Variants in C8G observed in about 807,000 individuals in gnomAD.
C8G encodes the protein complement C8 gamma chain.
Under a neutral mutation model 29.1 loss-of-function variants are expected in C8G, and 38 were observed. The ratio of observed to expected loss-of-function variants is 1.31; its 90% CI spans 1.01 to 1.71. C8G has a LOEUF of 1.71. Among genes scored for constraint, C8G ranks in the 40% most tolerant of loss-of-function variants. C8G has a pLI of 0.00. For missense variants in C8G, 300 were observed against 267.4 expected (o/e 1.12, Z -0.85); for synonymous variants, 158 against 113.2 (o/e 1.40, Z -2.51).
intron 4 of C8G, 74 bp downstream of exon 4, chr9:136,946,266 T>C: frequency 7.1e-7 from 1 of 1,410,596 alleles, no homozygotes; most frequent in Non-Finnish European, 9.7e-7. Context: ...CCCGAGGGGC[T>C]GGGTGAGCCC....
intron 1 of C8G, 35 bp from the exon 2 acceptor site, chr9:136,945,599 C>G (rs200867967): frequency 6.3e-7 from 1 of 1,599,098 alleles, no homozygotes; most frequent in Non-Finnish European, 8.5e-7. Context: ...GGCCCTCCCA[C>G]AGTGCCCTCG....
At chr9:136,946,379 A>AG (rs1851040513) in intron 4 of C8G, 86 bp from the exon 5 acceptor site, 2 of 1,474,398 alleles carry the variant, frequency 1.4e-6, no homozygotes, top group Admixed American at 2.6e-5. Context: ...GAGGGCCCCG[A>AG]GGGGGCAGGG....
At chr9:136,946,245 C>A in intron 4 of C8G, 53 bp downstream of exon 4, 2 of 1,463,456 alleles carry the variant, frequency 1.4e-6, no homozygotes, top group Non-Finnish European at 1.9e-6. Context: ...TCTGCACACT[C>A]ACTGGGCCAC....
At position 136,945,428 on chromosome 9, in the gene C8G, C is replaced by G; in HGVS notation, c.108C>G (p.Ile36Met). 6.3e-7 allele frequency: 1 copy of G among 1,588,396 alleles called. No individual in the cohort carries two copies. The highest frequency in any genetic ancestry group is 8.6e-7 in the Non-Finnish European group (1 of 1,167,580). Residue 36 changes from isoleucine (I) to methionine (M), a missense_variant, in exon 1 of 7, where the codon ATC (isoleucine) becomes ATG (methionine). Ile to Met is a conservative substitution (Grantham distance 10). Transcript: ENST00000371634. ...GGCCCGCATCCCCCATCAGCACCAT[C>G]CAGCCCAAGGCCAATTTTGATGCTC... is the stretch of plus-strand genomic sequence containing the variant. ...PRRPASPIST[I>M]QPKANFDAQQ... is the part of the protein sequence containing the mutation.
chr9:136,946,645 C>T lies in C8G; in HGVS notation c.557-6C>T. The T allele has an allele frequency of 6.2e-7, 1 of 1,613,252 alleles. No homozygotes were observed. The highest frequency in any genetic ancestry group is 8.5e-7 in the Non-Finnish European group (1 of 1,179,956). ...GTCCAGCCTGACCCCTGCCTTGGGC[C>T]CCCAGGCTTCTGCGAGGCTGCAGAC... On this transcript the variant is annotated splice_region_variant and splice_polypyrimidine_tract_variant and intron_variant, in intron 5 of 6. Transcript: ENST00000371634.
chr9:136,946,889 T>G lies in C8G; in HGVS notation c.*108T>G. On this transcript the variant is annotated 3_prime_UTR_variant, in exon 7 of 7. Transcript: ENST00000371634. ...TGAAACCAGCCTCAGATCAGGGCCCTGCCACCCAGGGCAGGGGATCTTCTG... is the reference window on the plus strand; with the variant it reads ...TGAAACCAGCCTCAGATCAGGGCCCGGCCACCCAGGGCAGGGGATCTTCTG... The G allele has an allele frequency of 2.2e-6, 3 of 1,369,800 alleles. No individual in the cohort carries two copies. Among genetic ancestry groups the G allele is most frequent in the Non-Finnish European group, 3.0e-6 (3 of 996,360 alleles). The allele number at this position is 1,369,800 out of a possible 1,614,324, so 84.9% of individuals were successfully genotyped here.
At chr9:136,945,592 C>A in intron 1 of C8G, 42 bp from the exon 2 acceptor site, 1 of 1,595,310 alleles carries the variant, frequency 6.3e-7, no homozygotes, top group Non-Finnish European at 8.6e-7. Context: ...GGTGAGGGGC[C>A]CTCCCACAGT....
chr9:136,946,527 C>T lies in C8G; in HGVS notation c.517C>T (p.His173Tyr). 6.2e-7 allele frequency: 1 copy of T among 1,612,970 alleles called. No homozygotes were observed. The highest frequency in any genetic ancestry group is 2.2e-5 in the East Asian group (1 of 44,878). Residue 173 changes from histidine (H) to tyrosine (Y), a missense_variant, in exon 5 of 7, where the codon CAC becomes TAC. His to Tyr is a moderately conservative substitution (Grantham distance 83). Transcript: ENST00000371634. ...GTTTGAGCAGCGGGTCCAGGAGGCCCACCTGACTGAGGACCAGATCTTCTA... is the reference window on the plus strand; with the variant it reads ...GTTTGAGCAGCGGGTCCAGGAGGCCTACCTGACTGAGGACCAGATCTTCTA... ...SGFEQRVQEA[H>Y]LTEDQIFYFP...
In C8G at chr9:136,945,366, G is replaced by C; in HGVS notation, c.46G>C (p.Ala16Pro). The change falls in exon 1 of 7, where the codon GCT (alanine) becomes CCT (proline). Residue 16 changes from alanine to proline, a missense_variant. Physicochemically the swap from Ala to Pro is conservative, Grantham distance 27. Transcript: ENST00000371634. ...GACCCTCTTGACTCTGCTCCTGGCA[G>C]CTGGCTCGCTGGGCCAGAAGCCTCA... Reference protein sequence around the residue: ...TATLLTLLLAAGSLGQKPQRP... With the variant: ...TATLLTLLLAPGSLGQKPQRP... The C allele has an allele frequency of 6.2e-7, 1 of 1,612,836 alleles. No homozygotes were observed. The highest frequency in any genetic ancestry group is 8.5e-7 in the Non-Finnish European group (1 of 1,179,898).
intron 4 of C8G, 115 bp downstream of exon 4, chr9:136,946,307 ATCC>A (rs1182583702): frequency 1.2e-5 from 17 of 1,369,374 alleles, no homozygotes; most frequent in Non-Finnish European, 1.5e-5. Flanking sequence ...TCCCATCCTG[ATCC>A]TCCTGCTAAG....
rs1851056752 is a variant in C8G, at chr9:136,946,859, C to T, written c.*78C>T. 3.3e-6 allele frequency: 5 copies of T among 1,511,018 alleles called. No homozygotes were observed. The highest frequency in any genetic ancestry group is 4.4e-6 in the Non-Finnish European group (5 of 1,124,066). The allele number at this position is 1,511,018 out of a possible 1,614,324, so 93.6% of individuals were successfully genotyped here. A position where few individuals can be genotyped will look rare whatever the true frequency, so the allele number is the denominator to read the frequency against. ...ACCAGTGGGGTGCCCGCTGCCTGTCCTCCGTGAAACCAGCCTCAGATCAGG... is the reference window on the plus strand; with the variant it reads ...ACCAGTGGGGTGCCCGCTGCCTGTCTTCCGTGAAACCAGCCTCAGATCAGG... On this transcript the variant is annotated 3_prime_UTR_variant, in exon 7 of 7. Transcript: ENST00000371634.
intron 1 of C8G, 43 bp from the exon 2 acceptor site, chr9:136,945,591 C>T (rs1200954256): frequency 1.9e-6 from 3 of 1,593,838 alleles, no homozygotes; most frequent in East Asian, 4.5e-5. Flanking sequence ...AGGTGAGGGG[C>T]CCTCCCACAG....
In C8G at chr9:136,945,336, A is replaced by T. The variant is rs1191588159; in HGVS notation, c.16A>T (p.Thr6Ser). 3 of 1,610,864 alleles carry T rather than the reference A, an allele frequency of 1.9e-6. No homozygotes were observed. The South Asian group carries it at 3.3e-5, about 18-fold the overall frequency. Residue 6 changes from threonine to serine, a missense_variant, in exon 1 of 7, where the codon ACT (threonine) becomes TCT (serine). Thr to Ser is a moderately conservative substitution (Grantham distance 58, BLOSUM62 1). Transcript: ENST00000371634. ...TGCCGCCACCATGCTGCCCCCTGGG[A>T]CTGCGACCCTCTTGACTCTGCTCCT... MLPPG[T>S]ATLLTLLLAA...
In C8G at chr9:136,946,744, G is replaced by A. The variant is rs368475163; in HGVS notation, c.596-24G>A. On this transcript the variant is annotated intron_variant, in intron 6 of 6. Transcript: ENST00000371634. ...CGTGGTGAGGGGGGCCACTGCCACC[G>A]GCTGAGTCTCGTCTCTGCTGCAGAA... 204 of 1,607,584 alleles carry A rather than the reference G, an allele frequency of 1.3e-4. No individual in the cohort carries two copies. The East Asian group carries it at 2.1e-3, about 16-fold the overall frequency.
chr9:136,945,645 C>T lies in C8G; in HGVS notation c.150C>T (p.Thr50=), dbSNP rs751735357. Residue 50 remains threonine, a synonymous_variant, in exon 2 of 7, where the codon ACC becomes ACT. Transcript: ENST00000371634. ...TGGTCTGCCCCCAGTTTGCAGGGAC[C>T]TGGCTCCTTGTGGCTGTGGGCTCCG... ...ANFDAQQFAG[T]WLLVAVGSAC... The T allele has an allele frequency of 6.8e-6, 11 of 1,610,102 alleles. No individual in the cohort carries two copies. Among genetic ancestry groups the T allele is most frequent in the Non-Finnish European group, 9.3e-6 (11 of 1,179,550 alleles).
At position 136,946,677 on chromosome 9, in the gene C8G, C is replaced by G; in HGVS notation, c.583C>G (p.His195Asp). ...YGFCEAADQF[H>D]VLDEVRR The stretch of plus-strand genomic sequence containing the variant: ...CTTCTGCGAGGCTGCAGACCAGTTC[C>G]ACGTCCTGGACGGTGAGTGCACAGC... Residue 195 changes from histidine (H) to aspartate (D), a missense_variant, in exon 6 of 7, where the codon CAC becomes GAC. By Grantham distance (81) the His-to-Asp change is moderately conservative. Coordinates refer to ENST00000371634, the MANE Select transcript of C8G (RefSeq NM_000606.3). 6.2e-7 allele frequency: 1 copy of G among 1,612,820 alleles called. No homozygotes were observed. The highest frequency in any genetic ancestry group is 8.5e-7 in the Non-Finnish European group (1 of 1,179,988).
intron 5 of C8G, 38 bp downstream of exon 5, chr9:136,946,604 C>A: frequency 6.2e-7 from 1 of 1,612,852 alleles, no homozygotes; most frequent in African/African-American, 1.3e-5. Context: ...CAGCCACCCC[C>A]ACTCTCTGGG....
Position 136,945,713 on chromosome 9 carries a change from C to A in C8G, c.218C>A (p.Thr73Asn). Residue 73 changes from threonine (T) to asparagine (N), a missense_variant, in exon 2 of 7, where the codon ACC becomes AAC. By Grantham distance (65) the Thr-to-Asn change is moderately conservative. Coordinates refer to ENST00000371634, the MANE Select transcript of C8G (RefSeq NM_000606.3). ...LQEQGHRAEA[T>N]TLHVAPQGTA... ...GAGCAGGGCCACCGGGCCGAGGCCACCACACTGCATGTGGCTCCCCAGGGC... is the reference window on the plus strand; with the variant it reads ...GAGCAGGGCCACCGGGCCGAGGCCAACACACTGCATGTGGCTCCCCAGGGC... The A allele has an allele frequency of 6.3e-7, 1 of 1,588,246 alleles. No homozygotes were observed. Among genetic ancestry groups the A allele is most frequent in the Non-Finnish European group, 8.5e-7 (1 of 1,169,648 alleles).
intron 3 of C8G, 26 bp downstream of exon 3, chr9:136,946,025 G>A (rs1176203782): frequency 6.3e-7 from 1 of 1,595,296 alleles, no homozygotes. Context: ...CAGGGCATGT[G>A]GGTGGGGGAT....
Sources: allele counts gnomAD v4.1 joint callset, GRCh38; gene constraint gnomAD v4.1.1; transcripts MANE v1.5; gene names NCBI Gene and HGNC (gene_info 2026-07-23, HGNC 2026-07-21).